The following XPO1 variants were observed in gnomAD, a reference collection of about 807,000 sequenced individuals.
XPO1 encodes exportin 1, also known as exportin-1.
Under a neutral mutation model 133.3 loss-of-function variants are expected in XPO1, and 5 were observed. The observed-to-expected ratio is 0.04, with a 90% CI of 0.02 to 0.08. The LOEUF is 0.08. Among genes scored for constraint, XPO1 ranks in the 10% least tolerant of loss-of-function variants. The pLI is 1.00. For synonymous variants in XPO1, 419 were observed against 408.2 expected (o/e 1.03, Z -0.32); for missense variants, 506 against 1,267.5 (o/e 0.40, Z 9.12).
At chr2:61,479,478 T>C (rs1229247443) in intron 24 of XPO1, among the ~76,000 whole-genome samples, 1 of 152,074 alleles carries the variant, frequency 6.6e-6, no homozygotes, top group Non-Finnish European at 1.5e-5. Context: ...AAAAATGGTG[T>C]GATACCTTAC....
intron 21 of XPO1, chr2:61,483,466 T>C: frequency 5.1e-6 from 1 of 196,276 alleles, no homozygotes; most frequent in Non-Finnish European, 1.0e-5. Flanking sequence ...ACTGCTCACA[T>C]GACAGGTGCA....
At chr2:61,509,040 G>GC (rs1472564736) in intron 4 of XPO1, among the ~76,000 whole-genome samples, 1 of 152,042 alleles carries the variant, frequency 6.6e-6, no homozygotes, top group African/African-American at 2.4e-5. Context: ...CATTCTTGTG[G>GC]CCCAGGCTGG....
In XPO1 at chr2:61,478,686, A is replaced by G. The variant is rs1696179373; in HGVS notation, c.*134T>C. 1 of 864,954 alleles carries G rather than the reference A, an allele frequency of 1.2e-6. No homozygotes were observed. The highest frequency in any genetic ancestry group is 1.7e-5 in the African/African-American group (1 of 58,064). The allele number at this position is 864,954 out of a possible 1,614,324, so 53.6% of individuals were successfully genotyped here. ...TTTCACAGAAAATTTCTTATACAAA[A>G]AAACACATAAGAAAAAGGGCCACTA... On this transcript the variant is annotated 3_prime_UTR_variant, in exon 25 of 25. Transcript: ENST00000401558.
At chr2:61,494,582 G>A (rs1204000511) in intron 11 of XPO1, 1 of 153,788 alleles carries the variant, frequency 6.5e-6, no homozygotes, top group African/African-American at 2.4e-5. Context: ...GGTATAATCA[G>A]AATAGATATA....
chr2:61,506,138 C>G (rs538397108), intron 4 of XPO1, among the ~76,000 whole-genome samples: 2 of 152,210 alleles, frequency 1.3e-5, no homozygotes, highest in Non-Finnish European at 2.9e-5. Context: ...GAATAGCATT[C>G]CAGCCGGACG....
At chr2:61,521,389 A>G (rs901509014) in intron 4 of XPO1, among the ~76,000 whole-genome samples, 1 of 152,224 alleles carries the variant, frequency 6.6e-6, no homozygotes, top group Non-Finnish European at 1.5e-5. Context: ...TGAAAATACT[A>G]CTAGAAGTAT....
At chr2:61,484,409 C>G (rs1384337160) in intron 20 of XPO1, 3 of 272,242 alleles carry the variant, frequency 1.1e-5, no homozygotes, top group Non-Finnish European at 2.1e-5. Context: ...AATTTGAAAT[C>G]ACCACTACAG....
In XPO1 at chr2:61,493,163, T is replaced by C. The variant is rs1015213192; in HGVS notation, c.1246-110A>G. 2.2e-5 allele frequency: 24 copies of C among 1,113,110 alleles called. No individual in the cohort carries two copies. In the African/African-American group the frequency reaches 2.8e-4, roughly 13 times the overall value. The allele number at this position is 1,113,110 out of a possible 1,614,324, so 69.0% of individuals were successfully genotyped here. A position where few individuals can be genotyped will look rare whatever the true frequency, so the allele number is the denominator to read the frequency against. The stretch of plus-strand genomic sequence containing the variant: ...AACCAAAAAAACCACAAGCCAGCCA[T>C]GTGTAGGGATTCATGCCTATAATTC... On this transcript the variant is annotated intron_variant, in intron 12 of 24. Coordinates refer to ENST00000401558, the MANE Select transcript of XPO1 (RefSeq NM_003400.4).
intron 4 of XPO1, among the ~76,000 whole-genome samples, chr2:61,503,879 C>T (rs534739219): frequency 1.2e-4 from 19 of 152,250 alleles, no homozygotes; most frequent in Admixed American, 3.9e-4. Flanking sequence ...AACTTCTAAC[C>T]CATAAAAATT....
chr2:61,524,954 T>G (rs1698853724), intron 3 of XPO1, among the ~76,000 whole-genome samples: 1 of 151,784 alleles, frequency 6.6e-6, no homozygotes, highest in East Asian at 1.9e-4. Flanking sequence ...GTATTTTTGC[T>G]CAAAAATCTG....
chr2:61,505,160 A>G (rs529617018), intron 4 of XPO1, among the ~76,000 whole-genome samples: 1 of 152,066 alleles, frequency 6.6e-6, no homozygotes, highest in Admixed American at 6.6e-5. Context: ...ACAGGTGCTT[A>G]GCACCGTGCC....
At chr2:61,535,660 G>A (rs1043193147) in intron 1 of XPO1, among the ~76,000 whole-genome samples, 1 of 152,156 alleles carries the variant, frequency 6.6e-6, no homozygotes, top group African/African-American at 2.4e-5. Context: ...TTGATATGAT[G>A]TAAAAATAAT....
intron 24 of XPO1, among the ~76,000 whole-genome samples, 197 bp downstream of exon 24, chr2:61,480,988 A>G (rs776778709): frequency 5.3e-5 from 8 of 152,192 alleles, no homozygotes; most frequent in Non-Finnish European, 7.3e-5. Context: ...CATCTCAAAC[A>G]TATCTATCCT....
At chr2:61,509,839 A>C (rs1159345092) in intron 4 of XPO1, among the ~76,000 whole-genome samples, 1 of 152,238 alleles carries the variant, frequency 6.6e-6, no homozygotes, top group Non-Finnish European at 1.5e-5. Flanking sequence ...AATTACAAAT[A>C]GGAAAAAGGC....
At chr2:61,511,147 G>C (rs1231416480) in intron 4 of XPO1, among the ~76,000 whole-genome samples, 2 of 152,058 alleles carry the variant, frequency 1.3e-5, no homozygotes, top group Admixed American at 6.6e-5. Flanking sequence ...TTTTTAGACA[G>C]AGTTTCGTTC....
At chr2:61,533,013 T>C (rs983936264) in intron 2 of XPO1, among the ~76,000 whole-genome samples, 1 of 151,912 alleles carries the variant, frequency 6.6e-6, no homozygotes, top group Non-Finnish European at 1.5e-5. Flanking sequence ...ACCCCATCTC[T>C]ACTAAAAATA....
At chr2:61,522,585 G>C (rs2104750015) in intron 4 of XPO1, 26 bp downstream of exon 4, 1 of 1,596,240 alleles carries the variant, frequency 6.3e-7, no homozygotes, top group South Asian at 1.1e-5. Flanking sequence ...ACAAAACTCT[G>C]AATTTATAAT....
At chr2:61,511,490 C>T (rs1267556379) in intron 4 of XPO1, among the ~76,000 whole-genome samples, 1 of 152,082 alleles carries the variant, frequency 6.6e-6, no homozygotes, top group African/African-American at 2.4e-5. Flanking sequence ...TCAATCAGGG[C>T]TCGACCTCCT....
rs1479380843 is a variant in XPO1, at chr2:61,493,053, C to T, written c.1246G>A (p.Val416Ile). Residue 416 changes from valine (V) to isoleucine (I), a missense_variant and splice_region_variant, in exon 13 of 25, where the codon GTC becomes ATC. Val to Ile is a conservative substitution (Grantham distance 29). This residue lies in a region of XPO1 where 134 missense variants were observed against 261.6 expected (regional missense o/e 0.51). Transcript: ENST00000401558. ...ATTCGACTAACCATTAATAAACGGACCTATACTCAACAATATATCAATCAA... is the reference window on the plus strand; with the variant it reads ...ATTCGACTAACCATTAATAAACGGATCTATACTCAACAATATATCAATCAA... ...RQLYLPMLFK[V>I]RLLMVSRMAK... 7 of 1,589,480 alleles carry T rather than the reference C, an allele frequency of 4.4e-6. No individual in the cohort carries two copies. Among genetic ancestry groups the T allele is most frequent in the African/African-American group, 2.7e-5 (2 of 73,642 alleles).
Sources: allele counts gnomAD v4.1 joint callset (sites outside exome capture counted in the v4.1 genomes callset), GRCh38; gene constraint gnomAD v4.1.1; regional missense constraint gnomAD v4.1.1; transcripts MANE v1.5; gene names NCBI Gene and HGNC (gene_info 2026-07-23, HGNC 2026-07-21).